Variants in CDH4 observed in about 807,000 individuals in gnomAD.
The protein encoded by CDH4 is cadherin 4.
Under a neutral mutation model 86.0 loss-of-function variants are expected in CDH4, and 33 were observed. The observed-to-expected ratio is 0.38, with a 90% confidence interval of 0.29 to 0.51. The LOEUF is 0.51. Among genes scored for constraint, CDH4 ranks in the 20% least tolerant of loss-of-function variants. CDH4 has a pLI of 0.86. For synonymous variants in CDH4, 555 were observed against 549.4 expected (o/e 1.01, Z -0.14); for missense variants, 1,114 against 1,307.4 (o/e 0.85, Z 2.28).
At chr20:61,463,202 C>T (rs2085454178) in intron 2 of CDH4, among the ~76,000 whole-genome samples, 1 of 152,126 alleles carries the variant, frequency 6.6e-6, no homozygotes, top group African/African-American at 2.4e-5. Context: ...AACTGTGAGT[C>T]CATTAAACCT....
At chr20:61,596,976 A>G (rs762715759) in intron 2 of CDH4, among the ~76,000 whole-genome samples, 24 of 152,240 alleles carry the variant, frequency 1.6e-4, no homozygotes, top group Admixed American at 2.6e-4. Context: ...ATTAAAAACA[A>G]GTCTGTGAGG....
chr20:61,885,143 C>T (rs570076365), intron 7 of CDH4, among the ~76,000 whole-genome samples: 45 of 152,224 alleles, frequency 3.0e-4, no homozygotes, highest in African/African-American at 8.7e-4. Context: ...ATAGCACGTT[C>T]GTGCCTGTGC....
At chr20:61,521,202 C>T (rs774113145) in intron 2 of CDH4, among the ~76,000 whole-genome samples, 1 of 152,144 alleles carries the variant, frequency 6.6e-6, no homozygotes, top group Admixed American at 6.5e-5. Flanking sequence ...TCTGCAAGTC[C>T]CGCTGCTTCT....
intron 2 of CDH4, among the ~76,000 whole-genome samples, chr20:61,567,285 T>C (rs2086306068): frequency 6.6e-6 from 1 of 152,228 alleles, no homozygotes; most frequent in Non-Finnish European, 1.5e-5. Context: ...TTTAGGCTGC[T>C]ACAACTGCAG....
intron 2 of CDH4, among the ~76,000 whole-genome samples, chr20:61,489,799 T>TAAAC (rs1368664863): frequency 1.3e-5 from 2 of 152,214 alleles, no homozygotes; most frequent in East Asian, 3.9e-4. Flanking sequence ...TGAACTCAGT[T>TAAAC]TGAGAGCCTC....
intron 2 of CDH4, among the ~76,000 whole-genome samples, chr20:61,653,245 G>A (rs542842507): frequency 7.6e-6 from 1 of 131,450 alleles, no homozygotes; most frequent in Non-Finnish European, 1.7e-5. Flanking sequence ...GAGAGCACAG[G>A]GTTGGGGGTA....
intron 9 of CDH4, among the ~76,000 whole-genome samples, chr20:61,916,614 C>T (rs141731967): frequency 6.6e-6 from 1 of 152,310 alleles, no homozygotes; most frequent in East Asian, 1.9e-4. Flanking sequence ...CTGCTTAGTT[C>T]CCCAGAGCAT....
chr20:61,851,491 T>C (rs924040775), intron 5 of CDH4, among the ~76,000 whole-genome samples: 4 of 152,138 alleles, frequency 2.6e-5, no homozygotes, highest in Admixed American at 1.3e-4. Context: ...GGGGATGATG[T>C]GGAGACCCGT....
Position 61,922,299 on chromosome 20 carries a change from T to G in CDH4, c.1375-1152T>G, listed in dbSNP as rs543667229. On this transcript the variant is annotated intron_variant, in intron 9 of 15. Coordinates refer to ENST00000614565, the MANE Select transcript of CDH4 (RefSeq NM_001794.5). ...ATTGAACGTCTCAGGGCCCCAAGCT[T>G]TTTCCATGTAACTTCCCTCCCTCCC... is the stretch of plus-strand genomic sequence containing the variant. Among the ~76,000 whole-genome samples, 187 of 152,314 alleles carry G rather than the reference T, an allele frequency of 1.2e-3. 1 individual carries two copies. Among genetic ancestry groups the G allele is most frequent in the African/African-American group, 4.1e-3 (169 of 41,558 alleles).
At chr20:61,747,808 A>C (rs1024134491) in intron 3 of CDH4, among the ~76,000 whole-genome samples, 2 of 152,214 alleles carry the variant, frequency 1.3e-5, no homozygotes, top group Admixed American at 6.5e-5. Context: ...GTATATTTGC[A>C]ATATGAGGGG....
rs144576449 is a variant in CDH4, at chr20:61,650,905, A to T, written c.170-92658A>T. Among the ~76,000 whole-genome samples the T allele has an allele frequency of 1.5e-3, 223 of 152,386 alleles. 1 individual carries two copies. The highest frequency in any genetic ancestry group is 4.8e-3 in the African/African-American group (201 of 41,596). On this transcript the variant is annotated intron_variant, in intron 2 of 15. Coordinates refer to ENST00000614565, the MANE Select transcript of CDH4 (RefSeq NM_001794.5). Reference sequence around the variant, plus strand: ...CCATACACAGATTATCTATATAATTATGCTCTTCAGTGGCCCCATATTTAT... The same window carrying T: ...CCATACACAGATTATCTATATAATTTTGCTCTTCAGTGGCCCCATATTTAT...
intron 2 of CDH4, among the ~76,000 whole-genome samples, chr20:61,646,298 C>A (rs2087060647): frequency 6.6e-6 from 1 of 152,196 alleles, no homozygotes; most frequent in Non-Finnish European, 1.5e-5. Flanking sequence ...CCTTCACACA[C>A]TGGGCCATCT....
intron 2 of CDH4, among the ~76,000 whole-genome samples, chr20:61,564,047 C>T (rs1020734476): frequency 2.0e-5 from 3 of 152,128 alleles, no homozygotes; most frequent in Non-Finnish European, 2.9e-5. Context: ...TCCTCTCTGT[C>T]GTCACTGCCC....
intron 7 of CDH4, among the ~76,000 whole-genome samples, chr20:61,891,392 C>T (rs929794654): frequency 1.3e-5 from 2 of 152,192 alleles, no homozygotes; most frequent in African/African-American, 4.8e-5. Context: ...TCACAGCCTC[C>T]CCCTGGAACC....
At chr20:61,699,311 G>A (rs2087748389) in intron 2 of CDH4, among the ~76,000 whole-genome samples, 1 of 152,160 alleles carries the variant, frequency 6.6e-6, no homozygotes, top group South Asian at 2.1e-4. Flanking sequence ...CAGGGTCTGT[G>A]GTGCTCACAC....
intron 2 of CDH4, among the ~76,000 whole-genome samples, chr20:61,315,356 T>C (rs1324443271): frequency 6.6e-6 from 1 of 152,156 alleles, no homozygotes; most frequent in East Asian, 1.9e-4. Flanking sequence ...ACATTGAGCT[T>C]CCAGTGAGTG....
rs1360225313 is a variant in CDH4, at chr20:61,518,699, C to A, written c.170-224864C>A. On this transcript the variant is annotated intron_variant, in intron 2 of 15. Coordinates refer to ENST00000614565, the MANE Select transcript of CDH4 (RefSeq NM_001794.5). The surrounding 1 kb of genome is among the most constrained non-coding windows in gnomAD (Gnocchi z 6.3). ...ATTCATCCATCCTTCATCTACCTAT[C>A]TGTTGTTCAATCATCCATCCGTTCA... Among the ~76,000 whole-genome samples the A allele has an allele frequency of 6.6e-6, 1 of 151,680 alleles. No homozygotes were observed. Among genetic ancestry groups the A allele is most frequent in the Non-Finnish European group, 1.5e-5 (1 of 67,944 alleles).
intron 4 of CDH4, among the ~76,000 whole-genome samples, chr20:61,813,153 C>A (rs1387728191): frequency 6.6e-6 from 1 of 152,200 alleles, no homozygotes; most frequent in Non-Finnish European, 1.5e-5. Flanking sequence ...TTGGCAAACT[C>A]CTTTGGTTTT....
chr20:61,570,408 C>T (rs561992328), intron 2 of CDH4: 15 of 458,418 alleles, frequency 3.3e-5, no homozygotes, highest in East Asian at 1.1e-4. Flanking sequence ...TGGCTGCAGA[C>T]GTACACTTTG....
Sources: gnomAD v4.1 joint callset for allele counts (sites outside exome capture counted in the v4.1 genomes callset) on GRCh38, gnomAD v4.1.1 for gene constraint, Gnocchi (gnomAD v3.1) non-coding constraint, MANE v1.5 for transcripts, NCBI Gene and HGNC (gene_info 2026-07-23, HGNC 2026-07-21) for gene names.